The following ITGA8 variants were observed in gnomAD, a reference collection of about 807,000 sequenced individuals.
ITGA8 encodes integrin alpha-8.
ITGA8 carries 91 observed loss-of-function variants against 142.3 expected under a neutral mutation model. The observed-to-expected ratio is 0.64, with a 90% CI of 0.54 to 0.76. The LOEUF (loss-of-function observed/expected upper bound fraction) is 0.76. Ranked by LOEUF, ITGA8 falls within the 30% of genes least tolerant of loss-of-function variation. The pLI, the probability that ITGA8 is intolerant of heterozygous loss-of-function variation, is 0.00. For synonymous variants in ITGA8, 505 were observed against 485.2 expected (o/e 1.04, Z -0.54); for missense variants, 1,406 against 1,327.7 (o/e 1.06, Z -0.92).
At chr10:15,613,505 C>T (rs886619076) in intron 15 of ITGA8, 155 bp downstream of exon 15, 1 of 666,006 alleles carries the variant, frequency 1.5e-6, no homozygotes, top group Non-Finnish European at 2.7e-6. Flanking sequence ...ACTTCGGCCA[C>T]AGACCAGCAG....
At chr10:15,570,156 CTA>C (rs1303176159) in intron 25 of ITGA8, among the ~76,000 whole-genome samples, 1 of 152,058 alleles carries the variant, frequency 6.6e-6, no homozygotes, top group East Asian at 1.9e-4. Flanking sequence ...TCACAAATTG[CTA>C]TGATTAGTTA....
intron 8 of ITGA8, among the ~76,000 whole-genome samples, chr10:15,667,887 T>A (rs1184901970): frequency 1.5e-4 from 23 of 152,238 alleles, no homozygotes; most frequent in Admixed American, 1.5e-3. Context: ...TGAGAGACAG[T>A]TTGTTATAAT....
chr10:15,592,327 A>G (rs141040354), intron 21 of ITGA8, 23 bp from the exon 22 acceptor site: 3 of 1,544,390 alleles, frequency 1.9e-6, no homozygotes, highest in East Asian at 4.5e-5. Flanking sequence ...ATAAAATCAC[A>G]CAAGAGTAGC....
intron 6 of ITGA8, among the ~76,000 whole-genome samples, chr10:15,676,633 C>T (rs1295585660): frequency 6.6e-6 from 1 of 152,188 alleles, no homozygotes; most frequent in African/African-American, 2.4e-5. Flanking sequence ...CAGCCTCTAC[C>T]ACAGAGCTTG....
chr10:15,554,552 C>T (rs1431661380), intron 26 of ITGA8, among the ~76,000 whole-genome samples: 2 of 152,216 alleles, frequency 1.3e-5, no homozygotes, highest in Non-Finnish European at 2.9e-5. Context: ...CATGTGTGCA[C>T]CCACACACTT....
At chr10:15,669,311 C>T (rs916944877) in intron 8 of ITGA8, among the ~76,000 whole-genome samples, 8 of 152,140 alleles carry the variant, frequency 5.3e-5, no homozygotes, top group African/African-American at 1.2e-4. Flanking sequence ...TTGATTGCGT[C>T]GGCTACTGAG....
At chr10:15,578,854 C>A (rs1202648854) in intron 23 of ITGA8, among the ~76,000 whole-genome samples, 1 of 152,104 alleles carries the variant, frequency 6.6e-6, no homozygotes, top group Non-Finnish European at 1.5e-5. Context: ...TTCTCACAGA[C>A]ATGTGCTAAA....
At position 15,672,766 on chromosome 10, in the gene ITGA8, T is replaced by C. The variant is rs1834550237; in HGVS notation, c.677-17A>G. On this transcript the variant is annotated splice_polypyrimidine_tract_variant and intron_variant, in intron 6 of 29. Transcript: ENST00000378076. ...TCACTTGTCCTGTGTTTAAACAAAT[T>C]AATACGTTAACTGAATGAAAGCAAG... 2 of 1,581,322 alleles carry C rather than the reference T, an allele frequency of 1.3e-6. No homozygotes were observed. The highest frequency in any genetic ancestry group is 2.3e-5 in the South Asian group (2 of 86,008).
In ITGA8 at chr10:15,686,779, C is replaced by A. The variant is rs180896250; in HGVS notation, c.444+1159G>T. On this transcript the variant is annotated intron_variant, in intron 3 of 29. Coordinates refer to ENST00000378076, the MANE Select transcript of ITGA8 (RefSeq NM_003638.3). ...TTCCCATCACGTATTTTAGAAAATG[C>A]AGGCATGCCAAAAATTAATCATTTT... Among the ~76,000 whole-genome samples the A allele has an allele frequency of 2.8e-3, 430 of 152,280 alleles. 2 individuals carry two copies. Among genetic ancestry groups the A allele is most frequent in the African/African-American group, 9.7e-3 (402 of 41,560 alleles).
intron 21 of ITGA8, among the ~76,000 whole-genome samples, chr10:15,596,233 G>C (rs1833009984): frequency 6.6e-6 from 1 of 152,078 alleles, no homozygotes; most frequent in African/African-American, 2.4e-5. Flanking sequence ...TTTTATCCAA[G>C]GGCTTTTCAC....
intron 22 of ITGA8, among the ~76,000 whole-genome samples, chr10:15,588,779 C>T (rs1488879409): frequency 1.3e-5 from 2 of 152,160 alleles, no homozygotes; most frequent in African/African-American, 2.4e-5. Flanking sequence ...TGTAAATAGA[C>T]ATTGAACATT....
intron 4 of ITGA8, among the ~76,000 whole-genome samples, chr10:15,683,768 C>G (rs974919767): frequency 2.6e-5 from 4 of 152,210 alleles, no homozygotes; most frequent in Admixed American, 6.5e-5. Context: ...ATCAATTCTG[C>G]AAAATATCTT....
At chr10:15,644,480 AT>A (rs1564388999) in intron 12 of ITGA8, among the ~76,000 whole-genome samples, 350 of 11,006 alleles carry the variant, frequency 0.032, 32 homozygotes, top group Admixed American at 0.12. Context: ...ATATATATAT[AT>A]ATATATATAT....
chr10:15,643,732 TGAG>T (rs2096437467), intron 13 of ITGA8, among the ~76,000 whole-genome samples: 1 of 152,242 alleles, frequency 6.6e-6, no homozygotes, highest in Non-Finnish European at 1.5e-5. Context: ...GCCGCGGTAT[TGAG>T]GAGTTTCAAA....
Position 15,547,914 on chromosome 10 carries a change from T to C in ITGA8, c.2880+541A>G, listed in dbSNP as rs1281653157. On this transcript the variant is annotated intron_variant, in intron 27 of 29. Coordinates refer to ENST00000378076, the MANE Select transcript of ITGA8 (RefSeq NM_003638.3). ...ATAACAGTGGACTAAGTACATTTTC[T>C]GATCTATTCTCAAGGTCTTAGGGAC... 3.3e-5 allele frequency among the ~76,000 whole-genome samples: 5 copies of C among 152,350 alleles called. No individual in the cohort carries two copies. In the South Asian group the frequency reaches 8.3e-4, roughly 25 times the overall value.
intron 25 of ITGA8, among the ~76,000 whole-genome samples, chr10:15,570,702 G>C (rs895473373): frequency 3.3e-5 from 5 of 150,582 alleles, no homozygotes; most frequent in Admixed American, 6.6e-5. Context: ...GCAAGAATCT[G>C]TCAACATTTA....
intron 26 of ITGA8, among the ~76,000 whole-genome samples, chr10:15,551,228 G>A (rs1833788345): frequency 6.7e-6 from 1 of 150,114 alleles, no homozygotes; most frequent in Admixed American, 6.7e-5. Flanking sequence ...GGAATTACTG[G>A]AAATATGATC....
At position 15,651,711 on chromosome 10, in the gene ITGA8, C is replaced by T. The variant is rs537939841; in HGVS notation, c.1001+3643G>A. Reference sequence around the variant, plus strand: ...TCTGGTTCAAGCCCATAAATGTGTGCGTGCAGGGAAGTCCTCACTTCTGAA... The same window carrying T: ...TCTGGTTCAAGCCCATAAATGTGTGTGTGCAGGGAAGTCCTCACTTCTGAA... On this transcript the variant is annotated intron_variant, in intron 11 of 29. Transcript: ENST00000378076. 5.3e-5 allele frequency among the ~76,000 whole-genome samples: 8 copies of T among 152,116 alleles called. No individual in the cohort carries two copies. The South Asian group carries it at 8.3e-4, about 16-fold the overall frequency.
At chr10:15,685,658 G>A (rs1267471710) in intron 3 of ITGA8, among the ~76,000 whole-genome samples, 1 of 152,088 alleles carries the variant, frequency 6.6e-6, no homozygotes, top group East Asian at 1.9e-4. Context: ...TCAGAATGTT[G>A]CTTTAGAGAA....
Sources: allele counts gnomAD v4.1 joint callset (sites outside exome capture counted in the v4.1 genomes callset), GRCh38; gene constraint gnomAD v4.1.1; transcripts MANE v1.5; gene names NCBI Gene and HGNC (gene_info 2026-07-23, HGNC 2026-07-21).